The following SMAP1 variants were observed in gnomAD, a reference collection of about 807,000 sequenced individuals.
SMAP1 encodes the protein small ArfGAP 1, also known as stromal membrane-associated protein 1.
A neutral mutation model predicts 58.5 loss-of-function variants in SMAP1; 24 were observed. The observed-to-expected ratio is 0.41, with a 90% CI of 0.30 to 0.58. The LOEUF is 0.58. Among genes scored for constraint, SMAP1 ranks in the 20% least tolerant of loss-of-function variants. The probability of loss-of-function intolerance (pLI) is 0.29; values close to 1 mark genes in which losing one functional copy is unlikely to be tolerated. For synonymous variants in SMAP1, 216 were observed against 196.6 expected (o/e 1.10, Z -0.82); for missense variants, 563 against 566.3 (o/e 0.99, Z 0.06).
chr6:70,744,240 G>A (rs555575646), intron 2 of SMAP1, among the ~76,000 whole-genome samples: 2 of 151,358 alleles, frequency 1.3e-5, no homozygotes, highest in East Asian at 1.9e-4. Flanking sequence ...TTGTTACACA[G>A]GTATACATGT....
At chr6:70,725,980 G>A (rs1258730955) in intron 1 of SMAP1, among the ~76,000 whole-genome samples, 1 of 152,132 alleles carries the variant, frequency 6.6e-6, no homozygotes, top group Non-Finnish European at 1.5e-5. Context: ...CCAGTATAAG[G>A]GAATTTCGTT....
intron 1 of SMAP1, among the ~76,000 whole-genome samples, chr6:70,683,609 G>C (rs918261407): frequency 2.2e-4 from 34 of 152,086 alleles, no homozygotes; most frequent in Non-Finnish European, 4.7e-4. Flanking sequence ...ATTCCAGACA[G>C]CATTCATTCT....
intron 6 of SMAP1, among the ~76,000 whole-genome samples, chr6:70,803,085 T>G (rs112683216): frequency 6.6e-6 from 1 of 152,168 alleles, no homozygotes. Flanking sequence ...GGAATGGTAC[T>G]AGCTCCTCGT....
chr6:70,712,734 A>T (rs1344990383), intron 1 of SMAP1, among the ~76,000 whole-genome samples: 1 of 146,936 alleles, frequency 6.8e-6, no homozygotes, highest in East Asian at 2.0e-4. Flanking sequence ...CTAGTTGTTT[A>T]TAAGTAGTTC....
At chr6:70,676,580 G>C (rs539744747) in intron 1 of SMAP1, among the ~76,000 whole-genome samples, 7 of 152,182 alleles carry the variant, frequency 4.6e-5, no homozygotes, top group Non-Finnish European at 8.8e-5. Context: ...AATTTGTGAT[G>C]TAAGAGATTG....
At chr6:70,762,471 G>T (rs1384603512) in intron 3 of SMAP1, among the ~76,000 whole-genome samples, 1 of 152,048 alleles carries the variant, frequency 6.6e-6, no homozygotes, top group African/African-American at 2.4e-5. Flanking sequence ...TACAGAATTG[G>T]CTTGCATTTG....
chr6:70,674,640 A>G (rs948519625), intron 1 of SMAP1, among the ~76,000 whole-genome samples: 1 of 152,188 alleles, frequency 6.6e-6, no homozygotes, highest in Non-Finnish European at 1.5e-5. Flanking sequence ...TGGGCACTAA[A>G]AAGATTAAGT....
At chr6:70,791,170 C>T (rs2347624) in intron 4 of SMAP1, among the ~76,000 whole-genome samples, 122,615 of 152,174 alleles carry the variant, frequency 0.81, 49,936 homozygotes, top group East Asian at 1. Flanking sequence ...ATCTGCTCTT[C>T]TTTTCTCCTA....
chr6:70,755,692 G>A (rs1766458580), intron 3 of SMAP1, among the ~76,000 whole-genome samples: 1 of 151,980 alleles, frequency 6.6e-6, no homozygotes, highest in Admixed American at 6.6e-5. Flanking sequence ...TGTTATGACT[G>A]ATTCTTCTTG....
At chr6:70,847,260 T>A (rs1224545053) in intron 7 of SMAP1, among the ~76,000 whole-genome samples, 1 of 152,184 alleles carries the variant, frequency 6.6e-6, no homozygotes, top group East Asian at 1.9e-4. Flanking sequence ...ATGTTACCTC[T>A]TTCTAACATC....
In SMAP1 at chr6:70,836,947, A is replaced by T; in HGVS notation, c.583A>T (p.Lys195Ter). ...CCAATTATTTACTTTAAAGCTGCAG[A>T]AGAAAGATCAGCAACTGGAGCCTAA... ...AKPLTAEKLQKKDQQLEPKKS... is the reference protein window; with the variant it reads ...AKPLTAEKLQ Residue 195 changes from lysine to a stop codon, truncating the protein, a stop_gained, in exon 7 of 11, where the codon AAG becomes TAG. Transcript: ENST00000370455. LOFTEE classifies it high-confidence loss of function. The T allele has an allele frequency of 6.3e-7, 1 of 1,587,450 alleles. No individual in the cohort carries two copies. The highest frequency in any genetic ancestry group is 8.6e-7 in the Non-Finnish European group (1 of 1,169,280).
intron 1 of SMAP1, among the ~76,000 whole-genome samples, chr6:70,679,514 T>G (rs559103995): frequency 2.6e-5 from 4 of 152,296 alleles, no homozygotes; most frequent in African/African-American, 9.6e-5. Context: ...GCTATTAGAA[T>G]GAATAATTGA....
At chr6:70,701,075 A>G (rs955135045) in intron 1 of SMAP1, among the ~76,000 whole-genome samples, 11 of 152,092 alleles carry the variant, frequency 7.2e-5, no homozygotes, top group Non-Finnish European at 1.5e-4. Context: ...TCTCTCCTAG[A>G]GCTGTGAGCT....
intron 2 of SMAP1, among the ~76,000 whole-genome samples, chr6:70,744,786 C>G (rs1406026947): frequency 6.6e-6 from 1 of 152,348 alleles, no homozygotes; most frequent in East Asian, 1.9e-4. Context: ...TACAGTCCCA[C>G]CAACAGTGTA....
chr6:70,721,403 A>G lies in SMAP1; in HGVS notation c.119-10975A>G, dbSNP rs573468762. Among the ~76,000 whole-genome samples the G allele has an allele frequency of 5.3e-4, 80 of 152,142 alleles. 2 individuals are homozygous for G. The highest frequency in any genetic ancestry group is 1.7e-3 in the South Asian group (8 of 4,824). On this transcript the variant is annotated intron_variant, in intron 1 of 10. Transcript: ENST00000370455. ...AGTTCCCAACAAGTTCCTCATCTCC[A>G]TCTGAGACCACTACAGCCTGGACCT...
At chr6:70,719,589 C>T (rs534555747) in intron 1 of SMAP1, among the ~76,000 whole-genome samples, 5 of 152,174 alleles carry the variant, frequency 3.3e-5, no homozygotes, top group South Asian at 2.1e-4. Flanking sequence ...CTGTATCAGT[C>T]GGTTTTCACG....
chr6:70,735,719 A>G (rs1001464617), intron 2 of SMAP1, among the ~76,000 whole-genome samples: 2 of 152,226 alleles, frequency 1.3e-5, no homozygotes, highest in African/African-American at 4.8e-5. Flanking sequence ...CAGTAAGCCA[A>G]GATCCTGCCA....
intron 1 of SMAP1, among the ~76,000 whole-genome samples, chr6:70,679,960 T>C (rs1250414881): frequency 2.0e-5 from 3 of 152,200 alleles, no homozygotes; most frequent in African/African-American, 4.8e-5. Context: ...TTTGAGGTCT[T>C]ACACAACCTG....
In SMAP1 at chr6:70,860,759, A is replaced by AAAT. The variant is rs1414457673; in HGVS notation, c.*427_*429dup. 9 of 399,818 alleles carry AAAT rather than the reference A, an allele frequency of 2.3e-5. No homozygotes were observed. The highest frequency in any genetic ancestry group is 1.3e-4 in the South Asian group (1 of 7,962). The allele number at this position is 399,818 out of a possible 1,614,324, so 24.8% of individuals were successfully genotyped here. ...TGTATGATCAAATGTTTAATCATAT[A>AAAT]AATAGAATGTAAATGTCTCACTGAG... On this transcript the variant is annotated 3_prime_UTR_variant, in exon 11 of 11. Transcript: ENST00000370455.
Sources: gnomAD v4.1 joint callset for allele counts (sites outside exome capture counted in the v4.1 genomes callset) on GRCh38, gnomAD v4.1.1 for gene constraint, MANE v1.5 for transcripts, NCBI Gene and HGNC (gene_info 2026-07-23, HGNC 2026-07-21) for gene names.